Variants in SMYD3 observed in about 807,000 individuals in gnomAD.
SMYD3 encodes SET and MYND domain containing 3, also known as histone-lysine N-methyltransferase SMYD3.
SMYD3 carries 36 observed loss-of-function variants against 57.7 expected under a neutral mutation model. The ratio of observed to expected loss-of-function variants is 0.62; its 90% confidence interval spans 0.48 to 0.82. The LOEUF (loss-of-function observed/expected upper bound fraction) is 0.82, where lower values mean the gene tolerates loss of function less well. Among genes scored for constraint, SMYD3 ranks in the 40% least tolerant of loss-of-function variants. The probability of loss-of-function intolerance (pLI) is 0.00; values close to 1 mark genes in which losing one functional copy is unlikely to be tolerated. For synonymous variants in SMYD3, 211 were observed against 195.0 expected, an observed-to-expected ratio of 1.08 and a Z score of -0.68; for missense variants, 515 against 538.8, an observed-to-expected ratio of 0.96 and a Z score of 0.44.
intron 5 of SMYD3, among the ~76,000 whole-genome samples, chr1:246,018,682 T>C (rs538166451): frequency 1.3e-5 from 2 of 150,416 alleles, no homozygotes; most frequent in South Asian, 4.2e-4. Flanking sequence ...CACAGCTCAC[T>C]GCAGCTTCAA....
At position 246,115,898 on chromosome 1, in the gene SMYD3, G is replaced by A. The variant is rs1415273200; in HGVS notation, c.532-185961C>T. Among the ~76,000 whole-genome samples the A allele has an allele frequency of 2.6e-5, 4 of 152,102 alleles. No homozygotes were observed. In the East Asian group the frequency reaches 7.7e-4, roughly 29 times the overall value. On this transcript the variant is annotated intron_variant, in intron 5 of 11. Coordinates refer to ENST00000490107, the MANE Select transcript of SMYD3 (RefSeq NM_001167740.2). ...TCACACCTGTAATCCCAGCACTTCC[G>A]GAGGCCAAGGCGGGCAGATCACCTG...
At chr1:245,884,341 T>C (rs2052960741) in intron 8 of SMYD3, among the ~76,000 whole-genome samples, 1 of 151,002 alleles carries the variant, frequency 6.6e-6, no homozygotes, top group African/African-American at 2.4e-5. Flanking sequence ...AGAACGGAGG[T>C]TTAATGGGCA....
chr1:246,051,199 C>G (rs931044115), intron 5 of SMYD3, among the ~76,000 whole-genome samples: 10 of 150,082 alleles, frequency 6.7e-5, no homozygotes, highest in African/African-American at 2.5e-4. Flanking sequence ...GGCGCAGTCA[C>G]AGTTCACTGC....
At chr1:245,865,407 T>TC (rs2051781037) in intron 8 of SMYD3, among the ~76,000 whole-genome samples, 1 of 152,206 alleles carries the variant, frequency 6.6e-6, no homozygotes, top group South Asian at 2.1e-4. Context: ...ATATTCTTCT[T>TC]CCCCCCAGGT....
chr1:245,756,030 A>C (rs2045589627), intron 11 of SMYD3, among the ~76,000 whole-genome samples: 1 of 149,260 alleles, frequency 6.7e-6, no homozygotes. Flanking sequence ...TTAGAATTTC[A>C]TTCTCTAGTG....
At position 246,319,611 on chromosome 1, in the gene SMYD3, G is replaced by T. The variant is rs184210884; in HGVS notation, c.531+7590C>A. Among the ~76,000 whole-genome samples the T allele has an allele frequency of 3.9e-5, 6 of 152,180 alleles. 1 individual carries two copies. Among genetic ancestry groups the T allele is most frequent in the Middle Eastern group, 3.4e-3 (1 of 294 alleles). ...CCAACAGAGCTCATCAACAAAAAAG[G>T]CTCTAAAATCTGGTCCTACATGAAC... is the stretch of plus-strand genomic sequence containing the variant. On this transcript the variant is annotated intron_variant, in intron 5 of 11. Coordinates refer to ENST00000490107, the MANE Select transcript of SMYD3 (RefSeq NM_001167740.2).
At chr1:246,218,494 G>A (rs1399486818) in intron 5 of SMYD3, among the ~76,000 whole-genome samples, 4 of 152,046 alleles carry the variant, frequency 2.6e-5, no homozygotes, top group Admixed American at 6.5e-5. Context: ...GGTGGCGGGC[G>A]GCTGTAGTCC....
chr1:246,223,771 C>T (rs2063289046), intron 5 of SMYD3, among the ~76,000 whole-genome samples: 2 of 152,072 alleles, frequency 1.3e-5, no homozygotes, highest in Non-Finnish European at 2.9e-5. Context: ...TCTTCCCTTA[C>T]CTGACAAGCA....
At chr1:246,472,165 A>G (rs1309950130) in intron 1 of SMYD3, among the ~76,000 whole-genome samples, 1 of 152,096 alleles carries the variant, frequency 6.6e-6, no homozygotes, top group Non-Finnish European at 1.5e-5. Context: ...AAACACACAC[A>G]CCACACTCCT....
chr1:246,410,320 C>T (rs891923959), intron 1 of SMYD3, among the ~76,000 whole-genome samples: 1 of 152,060 alleles, frequency 6.6e-6, no homozygotes, highest in African/African-American at 2.4e-5. Context: ...TCATAGATAG[C>T]TCTTATTGTT....
chr1:246,295,723 C>G (rs1407533879), intron 5 of SMYD3, among the ~76,000 whole-genome samples: 3 of 152,108 alleles, frequency 2.0e-5, no homozygotes, highest in African/African-American at 7.2e-5. Flanking sequence ...GGTTACAATA[C>G]CAGTTCCATC....
intron 5 of SMYD3, among the ~76,000 whole-genome samples, chr1:246,193,145 G>C (rs73143357): frequency 6.6e-6 from 1 of 152,090 alleles, no homozygotes; most frequent in Admixed American, 6.5e-5. Flanking sequence ...CCCATTTATC[G>C]TCATATCTTG....
At chr1:246,120,099 G>A (rs985203816) in intron 5 of SMYD3, among the ~76,000 whole-genome samples, 2 of 152,066 alleles carry the variant, frequency 1.3e-5, no homozygotes, top group African/African-American at 4.8e-5. Flanking sequence ...TAATAAATTG[G>A]GGAAAACTTA....
chr1:245,876,357 C>A (rs2052484105), intron 8 of SMYD3, among the ~76,000 whole-genome samples: 1 of 152,194 alleles, frequency 6.6e-6, no homozygotes, highest in Admixed American at 6.5e-5. Context: ...TGGGGGCAGG[C>A]AGATACCGGT....
At chr1:246,008,890 T>G (rs891470429) in intron 5 of SMYD3, among the ~76,000 whole-genome samples, 2 of 152,130 alleles carry the variant, frequency 1.3e-5, no homozygotes, top group Admixed American at 1.3e-4. Flanking sequence ...CTCAGCACCT[T>G]CCCCAGGTGA....
intron 2 of SMYD3, 103 bp from the exon 3 acceptor site, chr1:246,335,577 C>A: frequency 6.1e-6 from 5 of 823,124 alleles, no homozygotes; most frequent in East Asian, 2.5e-5. Context: ...TTTAATAGTC[C>A]AAATGTAACT....
intron 5 of SMYD3, among the ~76,000 whole-genome samples, chr1:246,158,997 T>C (rs1214477653): frequency 6.6e-6 from 1 of 152,038 alleles, no homozygotes; most frequent in Non-Finnish European, 1.5e-5. Context: ...ATGTTCATGA[T>C]GTGGCGACAA....
At chr1:246,403,735 A>G (rs993378854) in intron 1 of SMYD3, among the ~76,000 whole-genome samples, 1 of 152,196 alleles carries the variant, frequency 6.6e-6, no homozygotes, top group African/African-American at 2.4e-5. Flanking sequence ...ATTAATAACT[A>G]ATGCTATGTG....
intron 1 of SMYD3, among the ~76,000 whole-genome samples, chr1:246,505,691 G>C (rs1449774668): frequency 6.6e-6 from 1 of 152,182 alleles, no homozygotes; most frequent in Non-Finnish European, 1.5e-5. Context: ...CAGGAAAAAT[G>C]AATGAGACTA....
Sources: allele counts gnomAD v4.1 joint callset (sites outside exome capture counted in the v4.1 genomes callset), GRCh38; gene constraint gnomAD v4.1.1; transcripts MANE v1.5; gene names NCBI Gene and HGNC (gene_info 2026-07-23, HGNC 2026-07-21).